Variants in SNCAIP observed in about 807,000 individuals in gnomAD.
SNCAIP encodes the protein synphilin-1.
In SNCAIP, 43 loss-of-function variants were observed where a neutral mutation model predicts 86.7. The ratio of observed to expected loss-of-function variants is 0.50; its 90% CI spans 0.39 to 0.64. The LOEUF (loss-of-function observed/expected upper bound fraction) is 0.64, where lower values mean the gene tolerates loss of function less well. Among genes scored for constraint, SNCAIP ranks in the 30% least tolerant of loss-of-function variants. The pLI, the probability that SNCAIP is intolerant of heterozygous loss-of-function variation, is 0.00. For missense variants in SNCAIP, 981 were observed against 1,103.1 expected (o/e 0.89, Z 1.57); for synonymous variants, 417 against 427.2 (o/e 0.98, Z 0.29).
rs137977408 is a variant in SNCAIP, at chr5:122,407,772, G to T, written c.130+3907G>T. Among the ~76,000 whole-genome samples, 3 of 151,904 alleles carry T rather than the reference G, an allele frequency of 2.0e-5. No individual in the cohort carries two copies. The East Asian group carries it at 5.8e-4, about 29-fold the overall frequency. On this transcript the variant is annotated intron_variant, in intron 3 of 10. Transcript: ENST00000261368. Reference sequence around the variant, plus strand: ...ACACAAATAAAAAGTTTTCTAAAAGGCAAAAAAGAAAAAAAATAGTCCAAA... The same window carrying T: ...ACACAAATAAAAAGTTTTCTAAAAGTCAAAAAAGAAAAAAAATAGTCCAAA...
At chr5:122,326,212 T>A (rs1753986139) in intron 1 of SNCAIP, among the ~76,000 whole-genome samples, 2 of 152,166 alleles carry the variant, frequency 1.3e-5, no homozygotes, top group South Asian at 4.1e-4. Context: ...TGAGGGTAGA[T>A]CTGTTTATAA....
intron 1 of SNCAIP, among the ~76,000 whole-genome samples, chr5:122,390,871 G>A (rs1179275249): frequency 6.6e-6 from 1 of 152,174 alleles, no homozygotes. Flanking sequence ...AAAGGACTTT[G>A]AGTGCCCACT....
chr5:122,447,854 G>T (rs1782665785), intron 8 of SNCAIP, among the ~76,000 whole-genome samples: 1 of 152,136 alleles, frequency 6.6e-6, no homozygotes, highest in Non-Finnish European at 1.5e-5. Context: ...ACAATTGTAT[G>T]GTTCACAGCC....
At chr5:122,333,508 C>T (rs1384298799) in intron 1 of SNCAIP, among the ~76,000 whole-genome samples, 1 of 152,170 alleles carries the variant, frequency 6.6e-6, no homozygotes, top group Non-Finnish European at 1.5e-5. Context: ...CTCAGGAATT[C>T]TTTAAACCAG....
At chr5:122,449,702 C>A in intron 8 of SNCAIP, 143 bp from the exon 9 acceptor site, 2 of 677,548 alleles carry the variant, frequency 3.0e-6, no homozygotes, top group South Asian at 1.8e-5. Flanking sequence ...ATTTCTGAAC[C>A]TGTAAGGATG....
intron 1 of SNCAIP, among the ~76,000 whole-genome samples, chr5:122,349,491 G>A (rs1759341064): frequency 6.6e-6 from 1 of 152,140 alleles, no homozygotes; most frequent in South Asian, 2.1e-4. Flanking sequence ...TTAATACATA[G>A]AAACTTTCAA....
At chr5:122,372,334 A>G (rs908576817) in intron 1 of SNCAIP, among the ~76,000 whole-genome samples, 2 of 152,156 alleles carry the variant, frequency 1.3e-5, no homozygotes, top group South Asian at 4.1e-4. Context: ...AGCATGGCCA[A>G]TTGTAAGCTC....
At chr5:122,330,655 C>G (rs899050738) in intron 1 of SNCAIP, among the ~76,000 whole-genome samples, 4 of 152,056 alleles carry the variant, frequency 2.6e-5, no homozygotes, top group African/African-American at 9.7e-5. Context: ...CTGAGATGAA[C>G]AAATGTTAGT....
upstream of SNCAIP, chr5:122,312,075 G>T (rs1045424444): frequency 1.4e-5 from 2 of 146,732 alleles, no homozygotes; most frequent in African/African-American, 4.9e-5. Context: ...GGCCGCGGCC[G>T]CCCAGGCTGC....
intron 3 of SNCAIP, among the ~76,000 whole-genome samples, chr5:122,406,576 G>A (rs1284734617): frequency 6.6e-6 from 1 of 152,226 alleles, no homozygotes; most frequent in Non-Finnish European, 1.5e-5. Context: ...ATGGTTTAGC[G>A]CCATCTCCTT....
At chr5:122,363,996 A>C (rs1468537653) in intron 1 of SNCAIP, among the ~76,000 whole-genome samples, 1 of 151,898 alleles carries the variant, frequency 6.6e-6, no homozygotes, top group East Asian at 1.9e-4. Context: ...CTAATTAAAA[A>C]AAGAATATTA....
intron 3 of SNCAIP, among the ~76,000 whole-genome samples, chr5:122,411,626 T>C (rs1293581970): frequency 1.3e-5 from 2 of 152,128 alleles, no homozygotes; most frequent in African/African-American, 4.8e-5. Context: ...AATCTCATAG[T>C]TGAAGGGTCC....
At chr5:122,427,434 T>G (rs927766653) in intron 5 of SNCAIP, among the ~76,000 whole-genome samples, 3 of 152,142 alleles carry the variant, frequency 2.0e-5, no homozygotes, top group Non-Finnish European at 4.4e-5. Context: ...TCAAAAACTT[T>G]TACAGGTTTG....
intron 1 of SNCAIP, among the ~76,000 whole-genome samples, chr5:122,373,595 A>G (rs1440976687): frequency 6.6e-6 from 1 of 152,184 alleles, no homozygotes; most frequent in Non-Finnish European, 1.5e-5. Flanking sequence ...CGTTTGTTTT[A>G]TTCTACAAGA....
intron 7 of SNCAIP, among the ~76,000 whole-genome samples, chr5:122,441,606 GAAACTGGGCCA>G (rs1054999811): frequency 2.0e-5 from 3 of 152,188 alleles, no homozygotes; most frequent in African/African-American, 7.2e-5. Context: ...AGAGCTGCAT[GAAACTGGGCCA>G]AACCCAGAGC....
intron 1 of SNCAIP, among the ~76,000 whole-genome samples, chr5:122,327,572 G>C (rs1387541552): frequency 6.6e-6 from 1 of 152,136 alleles, no homozygotes; most frequent in Non-Finnish European, 1.5e-5. Context: ...AAAAGTGGCA[G>C]TTGCCCCTGA....
At chr5:122,421,866 C>T (rs952020745) in intron 3 of SNCAIP, among the ~76,000 whole-genome samples, 2 of 152,138 alleles carry the variant, frequency 1.3e-5, no homozygotes, top group African/African-American at 4.8e-5. Flanking sequence ...AGGCACCAGG[C>T]AGCCTCTCAT....
In SNCAIP at chr5:122,422,851, T is replaced by A. The variant is rs771600186; in HGVS notation, c.131-17T>A. 5 of 1,609,460 alleles carry A rather than the reference T, an allele frequency of 3.1e-6. No individual in the cohort carries two copies. The Admixed American group carries it at 5.0e-5, about 16-fold the overall frequency. On this transcript the variant is annotated splice_polypyrimidine_tract_variant and intron_variant, in intron 3 of 10. Coordinates refer to ENST00000261368, the MANE Select transcript of SNCAIP (RefSeq NM_005460.4). Reference sequence around the variant, plus strand: ...ATTCCAGATTAATAGCTTTCTATTTTAATTTTTTAAAAACAGTTTCTAGCT... The same window carrying A: ...ATTCCAGATTAATAGCTTTCTATTTAAATTTTTTAAAAACAGTTTCTAGCT...
At chr5:122,399,599 G>A (rs979961048) in intron 2 of SNCAIP, among the ~76,000 whole-genome samples, 33 of 152,046 alleles carry the variant, frequency 2.2e-4, no homozygotes, top group Non-Finnish European at 3.7e-4. Flanking sequence ...CAAAATTATG[G>A]ACTGAGCTAT....
Sources: gnomAD v4.1 joint callset for allele counts (sites outside exome capture counted in the v4.1 genomes callset) on GRCh38, gnomAD v4.1.1 for gene constraint, MANE v1.5 for transcripts, NCBI Gene and HGNC (gene_info 2026-07-23, HGNC 2026-07-21) for gene names.